Variants in PKNOX2 observed in about 807,000 individuals in gnomAD.
PKNOX2 encodes PBX/knotted 1 homeobox 2.
PKNOX2 carries 14 observed loss-of-function variants against 53.1 expected under a neutral mutation model. The ratio of observed to expected loss-of-function variants is 0.26; its 90% CI spans 0.17 to 0.41. The LOEUF (loss-of-function observed/expected upper bound fraction) is 0.41, where lower values mean the gene tolerates loss of function less well. PKNOX2 is among the 10% of genes least tolerant of loss of function. The pLI, the probability that PKNOX2 is intolerant of heterozygous loss-of-function variation, is 1.00. For synonymous variants in PKNOX2, 257 were observed against 242.8 expected (o/e 1.06, Z -0.54); for missense variants, 496 against 602.8 (o/e 0.82, Z 1.85).
In PKNOX2 at chr11:125,410,652, G is replaced by A. The variant is rs559904633; in HGVS notation, c.719-127G>A. On this transcript the variant is annotated intron_variant, in intron 8 of 12. Coordinates refer to ENST00000298282, the MANE Select transcript of PKNOX2 (RefSeq NM_001382323.2). ...CCCACCCATAAAGCAGAAAGCCATA[G>A]CTCGCTACCCAAGGGCTCCAAGTAG... 2.3e-4 allele frequency: 169 copies of A among 735,734 alleles called. 1 individual carries two copies. The African/African-American group carries it at 2.6e-3, about 12-fold the overall frequency. 45.6% of individuals were successfully genotyped at this position (735,734 alleles called of 1,614,324 possible). A position where few individuals can be genotyped will look rare whatever the true frequency, so the allele number is the denominator to read the frequency against.
intron 2 of PKNOX2, among the ~76,000 whole-genome samples, chr11:125,315,928 C>T (rs1949156843): frequency 6.6e-6 from 1 of 152,082 alleles, no homozygotes; most frequent in Non-Finnish European, 1.5e-5. Context: ...TTATCTTGTG[C>T]CTGACCTTGT....
intron 2 of PKNOX2, among the ~76,000 whole-genome samples, chr11:125,319,920 G>A (rs896440102): frequency 3.3e-5 from 5 of 152,196 alleles, no homozygotes; most frequent in Admixed American, 2.6e-4. Flanking sequence ...GGTGGGAAGG[G>A]CCAGACTGAC....
chr11:125,265,924 C>T (rs1239410828), intron 2 of PKNOX2, among the ~76,000 whole-genome samples: 2 of 152,156 alleles, frequency 1.3e-5, no homozygotes, highest in Admixed American at 6.5e-5. Context: ...TTCCCAAAGG[C>T]CCTGAGTGTG....
At chr11:125,258,527 T>C (rs1944587053) in intron 2 of PKNOX2, 2 of 152,834 alleles carry the variant, frequency 1.3e-5, no homozygotes. Flanking sequence ...AATATCTTCT[T>C]TGCATGCAGT....
intron 6 of PKNOX2, among the ~76,000 whole-genome samples, chr11:125,392,752 T>C (rs1306916442): frequency 1.3e-5 from 2 of 152,070 alleles, no homozygotes; most frequent in African/African-American, 2.4e-5. Context: ...TGTGTGAATA[T>C]ATGTATGTGT....
Position 125,430,111 on chromosome 11 carries a change from C to T in PKNOX2, c.1162C>T (p.Gln388Ter), listed in dbSNP as rs1183932943. The change falls in exon 12 of 13, where the codon CAG (glutamine) becomes TAG (stop). Residue 388 changes from glutamine to a stop codon, truncating the protein, a stop_gained. Coordinates refer to ENST00000298282, the MANE Select transcript of PKNOX2 (RefSeq NM_001382323.2). LOFTEE classifies it high-confidence loss of function. ...CATCGCTGCGGGGGTGCTGCAGCAG[C>T]AGGGCGGTGCCCCAGGGACAAACCC... ...NSIAAGVLQQ[Q>*]GGAPGTNPDG... The T allele has an allele frequency of 1.2e-6, 2 of 1,614,088 alleles. No homozygotes were observed. Among genetic ancestry groups the T allele is most frequent in the Non-Finnish European group, 8.5e-7 (1 of 1,179,968 alleles).
At chr11:125,349,821 AAAAG>A (rs903767921) in intron 3 of PKNOX2, among the ~76,000 whole-genome samples, 2 of 147,670 alleles carry the variant, frequency 1.4e-5, no homozygotes, top group African/African-American at 5.0e-5. Context: ...CACTTCCTGA[AAAAG>A]AACCAAAAGA....
intron 1 of PKNOX2, among the ~76,000 whole-genome samples, chr11:125,204,988 C>T (rs1325524898): frequency 3.3e-5 from 5 of 152,200 alleles, no homozygotes; most frequent in Admixed American, 1.3e-4. Flanking sequence ...TGGTGCATTG[C>T]GCACAGTGGT....
chr11:125,189,413 A>ATGTG (rs776327891), intron 1 of PKNOX2, among the ~76,000 whole-genome samples: 1 of 65,188 alleles, frequency 1.5e-5, no homozygotes, highest in Non-Finnish European at 3.0e-5. Context: ...GTATATATAT[A>ATGTG]TGTGTGTGTG....
intron 4 of PKNOX2, among the ~76,000 whole-genome samples, chr11:125,366,149 C>G (rs1051108041): frequency 6.6e-6 from 1 of 152,172 alleles, no homozygotes; most frequent in African/African-American, 2.4e-5. Context: ...CACCAATTTG[C>G]TTACTGATGA....
At chr11:125,395,407 A>G (rs1262423389) in intron 6 of PKNOX2, among the ~76,000 whole-genome samples, 2 of 152,220 alleles carry the variant, frequency 1.3e-5, no homozygotes, top group African/African-American at 4.8e-5. Context: ...TTGTAAGAAC[A>G]TATGTTTTTA....
Position 125,166,477 on chromosome 11 carries a change from A to G in PKNOX2, c.-201+1701A>G, listed in dbSNP as rs1954885858. Among the ~76,000 whole-genome samples the G allele has an allele frequency of 6.6e-6, 1 of 152,178 alleles. No homozygotes were observed. On this transcript the variant is annotated intron_variant, in intron 1 of 12. Coordinates refer to ENST00000298282, the MANE Select transcript of PKNOX2 (RefSeq NM_001382323.2). This position sits in a 1 kb window ranked among gnomAD's most constrained non-coding sequence, Gnocchi z 4.0. The stretch of plus-strand genomic sequence containing the variant: ...GAAGAGACCTTCTGGGCGAAGCGGC[A>G]GGGCAGCCTCGCGGGGCTGGGAGTG...
At chr11:125,249,340 C>G (rs927577925) in intron 2 of PKNOX2, among the ~76,000 whole-genome samples, 1 of 152,024 alleles carries the variant, frequency 6.6e-6, no homozygotes, top group African/African-American at 2.4e-5. Context: ...AATAGTATAG[C>G]TAGAGAACCA....
rs180690049 is a variant in PKNOX2, at chr11:125,276,495, G to T, written c.-130+41380G>T. On this transcript the variant is annotated intron_variant, in intron 2 of 12. Coordinates refer to ENST00000298282, the MANE Select transcript of PKNOX2 (RefSeq NM_001382323.2). ...GAGCCCAGTGAAGGTATTGACCTTG[G>T]ATGGGAGCCAGGACTCTTTTTCTAT... Among the ~76,000 whole-genome samples the T allele has an allele frequency of 3.3e-5, 5 of 152,312 alleles. No individual in the cohort carries two copies. In the East Asian group the frequency reaches 7.7e-4, roughly 23 times the overall value.
chr11:125,333,199 A>G lies in PKNOX2; in HGVS notation c.-23+1274A>G, dbSNP rs556986678. ...AGGTACAAAAAGGGACAAGGGTTCT[A>G]CACCTGGTGAATCCGTGTGAAGTGT... On this transcript the variant is annotated intron_variant, in intron 3 of 12. Coordinates refer to ENST00000298282, the MANE Select transcript of PKNOX2 (RefSeq NM_001382323.2). Among the ~76,000 whole-genome samples the G allele has an allele frequency of 2.0e-4, 30 of 152,314 alleles. No individual in the cohort carries two copies. The South Asian group carries it at 6.0e-3, about 31-fold the overall frequency.
At chr11:125,396,672 C>A (rs1179392605) in intron 6 of PKNOX2, among the ~76,000 whole-genome samples, 1 of 149,666 alleles carries the variant, frequency 6.7e-6, no homozygotes, top group Non-Finnish European at 1.5e-5. Flanking sequence ...AAATACCTAA[C>A]AATAGGAGAC....
intron 1 of PKNOX2, among the ~76,000 whole-genome samples, chr11:125,221,981 G>T (rs763371225): frequency 6.6e-6 from 1 of 152,194 alleles, no homozygotes; most frequent in East Asian, 1.9e-4. Context: ...AATCAAATGC[G>T]TATTTTGGGG....
Position 125,296,506 on chromosome 11 carries a change from G to T in PKNOX2, c.-129-35313G>T, listed in dbSNP as rs114116231. Among the ~76,000 whole-genome samples, 1,043 of 152,240 alleles carry T rather than the reference G, an allele frequency of 6.9e-3. 8 individuals carry two copies. The highest frequency in any genetic ancestry group is 0.024 in the African/African-American group (997 of 41,526). On this transcript the variant is annotated intron_variant, in intron 2 of 12. Coordinates refer to ENST00000298282, the MANE Select transcript of PKNOX2 (RefSeq NM_001382323.2). ...CATCTCATCATCAAGGTCACCTGACGACTACCTTACATGAAAGAGTGAGCC... is the reference window on the plus strand; with the variant it reads ...CATCTCATCATCAAGGTCACCTGACTACTACCTTACATGAAAGAGTGAGCC...
At chr11:125,412,229 G>C (rs990954107) in intron 10 of PKNOX2, among the ~76,000 whole-genome samples, 1 of 152,200 alleles carries the variant, frequency 6.6e-6, no homozygotes, top group East Asian at 1.9e-4. Flanking sequence ...CCCTCCCCCT[G>C]CCGCAGCCAC....
Sources: gnomAD v4.1 joint callset for allele counts (sites outside exome capture counted in the v4.1 genomes callset) on GRCh38, gnomAD v4.1.1 for gene constraint, Gnocchi (gnomAD v3.1) non-coding constraint, MANE v1.5 for transcripts, NCBI Gene and HGNC (gene_info 2026-07-23, HGNC 2026-07-21) for gene names.